The following ANK2 variants were observed in gnomAD, a reference collection of about 807,000 sequenced individuals.
ANK2 encodes ankyrin-2.
A neutral mutation model predicts 360.5 loss-of-function variants in ANK2; 83 were observed. That is an observed-to-expected ratio of 0.23 (90% CI 0.19 to 0.28). The LOEUF (loss-of-function observed/expected upper bound fraction) is 0.28. Ranked by LOEUF, ANK2 falls within the 10% of genes least tolerant of loss-of-function variation. The pLI is 1.00. For missense variants in ANK2, 4,201 were observed against 4,795.7 expected (o/e 0.88, Z 3.66); for synonymous variants, 1,740 against 1,759.5 (o/e 0.99, Z 0.28).
chr4:112,854,535 T>C (rs2065855632), intron 1 of ANK2, among the ~76,000 whole-genome samples: 1 of 152,074 alleles, frequency 6.6e-6, no homozygotes, highest in Non-Finnish European at 1.5e-5. Flanking sequence ...TATTGTAGCC[T>C]CCAGGTGAGA....
At chr4:112,844,787 T>C (rs1427493560) in intron 1 of ANK2, among the ~76,000 whole-genome samples, 4 of 152,174 alleles carry the variant, frequency 2.6e-5, no homozygotes, top group African/African-American at 9.7e-5. Context: ...TAGGAGCCAG[T>C]GAAGAAAGCA....
At chr4:112,734,906 G>A in the ANK2 span, among the ~76,000 whole-genome samples, 1 of 152,128 alleles carries the variant, frequency 6.6e-6, no homozygotes, top group Non-Finnish European at 1.5e-5. Flanking sequence ...TTTGTGAAGT[G>A]TCTTAGATTG....
intron 2 of ANK2, among the ~76,000 whole-genome samples, chr4:113,182,642 T>C (rs1003823518): frequency 6.6e-6 from 1 of 152,160 alleles, no homozygotes; most frequent in Non-Finnish European, 1.5e-5. Flanking sequence ...ATGGATGAAA[T>C]GATAAACTCT....
At chr4:113,112,021 G>T (rs755629786) in intron 1 of ANK2, among the ~76,000 whole-genome samples, 5 of 152,072 alleles carry the variant, frequency 3.3e-5, no homozygotes, top group Non-Finnish European at 5.9e-5. Context: ...AACTGTGTTT[G>T]ATAAGAAGAT....
intron 14 of ANK2, among the ~76,000 whole-genome samples, chr4:113,272,407 C>A (rs1368395990): frequency 1.3e-5 from 2 of 152,182 alleles, no homozygotes; most frequent in African/African-American, 4.8e-5. Flanking sequence ...TTCCCCAATT[C>A]TTTTCCCTGG....
At chr4:112,980,862 C>T (rs1016348390) in intron 2 of ANK2, among the ~76,000 whole-genome samples, 5 of 152,242 alleles carry the variant, frequency 3.3e-5, no homozygotes, top group East Asian at 3.9e-4. Flanking sequence ...CAGAAGCAAG[C>T]GTGTGTTTCA....
At chr4:113,285,523 T>C (rs985967275) in intron 18 of ANK2, among the ~76,000 whole-genome samples, 4 of 152,196 alleles carry the variant, frequency 2.6e-5, no homozygotes, top group African/African-American at 9.6e-5. Context: ...GCTTACAGTT[T>C]CTTATAAAGG....
At chr4:113,293,406 A>G in intron 21 of ANK2, 34 bp from the exon 22 acceptor site, 1 of 1,580,166 alleles carries the variant, frequency 6.3e-7, no homozygotes, top group South Asian at 1.1e-5. Flanking sequence ...CCTCTCTCTT[A>G]TTTCTCACTC....
chr4:112,959,488 A>T lies in ANK2; in HGVS notation c.21+54974A>T, dbSNP rs150839273. Among the ~76,000 whole-genome samples, 23 of 152,324 alleles carry T rather than the reference A, an allele frequency of 1.5e-4. No homozygotes were observed. In the East Asian group the frequency reaches 4.2e-3, roughly 28 times the overall value. On this transcript the variant is annotated intron_variant, in intron 2 of 30. Transcript: ENST00000503271. ...GTGATGCTTTAATCAATGTTTGCCTAATTGAATTGATGTAAAGATTAAAAA... is the reference window on the plus strand; with the variant it reads ...GTGATGCTTTAATCAATGTTTGCCTTATTGAATTGATGTAAAGATTAAAAA...
chr4:112,872,048 C>T (rs1198299940), intron 1 of ANK2, among the ~76,000 whole-genome samples: 1 of 143,688 alleles, frequency 7.0e-6, no homozygotes, highest in Non-Finnish European at 1.5e-5. Context: ...TTTTTCGAGA[C>T]AGAGGTCTCA....
chr4:112,946,766 G>A (rs888221391), intron 2 of ANK2, among the ~76,000 whole-genome samples: 2 of 152,184 alleles, frequency 1.3e-5, no homozygotes, highest in African/African-American at 2.4e-5. Flanking sequence ...TATGAGGTAG[G>A]TATGATAATT....
intron 1 of ANK2, among the ~76,000 whole-genome samples, chr4:113,068,888 C>T (rs1405861624): frequency 2.6e-5 from 4 of 151,956 alleles, no homozygotes; most frequent in African/African-American, 7.2e-5. Context: ...TAGTGAGACC[C>T]TCATCTGTAC....
At chr4:113,346,403 C>T (rs549597696) in intron 35 of ANK2, among the ~76,000 whole-genome samples, 6 of 152,272 alleles carry the variant, frequency 3.9e-5, no homozygotes, top group Admixed American at 3.3e-4. Context: ...CGACCATACT[C>T]GTGCATTTGG....
At chr4:112,802,869 T>C in the ANK2 span, among the ~76,000 whole-genome samples, 40 of 152,282 alleles carry the variant, frequency 2.6e-4, no homozygotes, top group African/African-American at 8.7e-4. Flanking sequence ...GTGCAAATGA[T>C]TTTTGTCATC....
chr4:113,269,687 G>T (rs550248050), intron 14 of ANK2, among the ~76,000 whole-genome samples: 1 of 152,246 alleles, frequency 6.6e-6, no homozygotes, highest in African/African-American at 2.4e-5. Context: ...TGTTGATCTC[G>T]CTGGGATCTG....
intron 43 of ANK2, among the ~76,000 whole-genome samples, chr4:113,371,157 A>C (rs2096725331): frequency 6.6e-6 from 1 of 152,230 alleles, no homozygotes; most frequent in South Asian, 2.1e-4. Context: ...GGGCAAATAA[A>C]GTGAAACAGC....
chr4:112,915,966 T>C (rs1055973381), intron 2 of ANK2, among the ~76,000 whole-genome samples: 2 of 152,080 alleles, frequency 1.3e-5, no homozygotes, highest in Non-Finnish European at 2.9e-5. Flanking sequence ...AAAATTAATA[T>C]ATGCAAAAAG....
At chr4:112,832,701 C>T (rs1407655446) in intron 1 of ANK2, among the ~76,000 whole-genome samples, 2 of 152,176 alleles carry the variant, frequency 1.3e-5, no homozygotes, top group African/African-American at 4.8e-5. Context: ...TCTAAAATTT[C>T]ACACAGAGAA....
intron 9 of ANK2, among the ~76,000 whole-genome samples, chr4:113,242,850 A>G (rs1372706738): frequency 1.3e-5 from 2 of 152,200 alleles, no homozygotes; most frequent in African/African-American, 4.8e-5. Context: ...AAAAGTGCAG[A>G]ATAAAGGCAA....
Sources: allele counts gnomAD v4.1 joint callset (sites outside exome capture counted in the v4.1 genomes callset), GRCh38; gene constraint gnomAD v4.1.1; transcripts MANE v1.5; gene names NCBI Gene and HGNC (gene_info 2026-07-23, HGNC 2026-07-21).